The following MTUS2 variants were observed in gnomAD, a reference collection of about 807,000 sequenced individuals.
MTUS2 encodes the protein microtubule-associated tumor suppressor candidate 2.
Under a neutral mutation model 114.1 loss-of-function variants are expected in MTUS2, and 40 were observed. The observed-to-expected ratio is 0.35, with a 90% CI of 0.27 to 0.46. The LOEUF is 0.46. Among genes scored for constraint, MTUS2 ranks in the 20% least tolerant of loss-of-function variants. The pLI, the probability that MTUS2 is intolerant of heterozygous loss-of-function variation, is 1.00. For missense variants in MTUS2, 1,679 were observed against 1,705.4 expected, an observed-to-expected ratio of 0.98 and a Z score of 0.27; for synonymous variants, 688 against 672.0, an observed-to-expected ratio of 1.02 and a Z score of -0.37.
At chr13:28,958,218 C>T (rs1182753970) in intron 2 of MTUS2, among the ~76,000 whole-genome samples, 2 of 152,248 alleles carry the variant, frequency 1.3e-5, no homozygotes, top group Non-Finnish European at 2.9e-5. Context: ...TCTGTGATCT[C>T]CGGCTGCCCC....
At chr13:28,862,110 A>C (rs1411541446) in intron 2 of MTUS2, among the ~76,000 whole-genome samples, 1 of 152,208 alleles carries the variant, frequency 6.6e-6, no homozygotes, top group African/African-American at 2.4e-5. Context: ...TTGGCCTCAC[A>C]CATGAATAGA....
At chr13:28,953,047 C>T (rs1437629804) in intron 2 of MTUS2, among the ~76,000 whole-genome samples, 2 of 152,128 alleles carry the variant, frequency 1.3e-5, no homozygotes, top group African/African-American at 4.8e-5. Context: ...TTCTTGACAT[C>T]TCTGTTAGCA....
At chr13:29,058,807 T>C (rs1888270969) in intron 4 of MTUS2, among the ~76,000 whole-genome samples, 2 of 150,452 alleles carry the variant, frequency 1.3e-5, no homozygotes, top group East Asian at 2.0e-4. Context: ...AGTGAGAACA[T>C]GCGGTGTTTG....
chr13:28,834,660 G>A (rs1411199130), intron 1 of MTUS2, among the ~76,000 whole-genome samples: 5 of 152,118 alleles, frequency 3.3e-5, no homozygotes, highest in Admixed American at 2.0e-4. Context: ...CAGGAGTGAC[G>A]AATATATAGG....
chr13:29,032,048 G>A (rs1886854269), intron 3 of MTUS2, among the ~76,000 whole-genome samples: 1 of 152,044 alleles, frequency 6.6e-6, no homozygotes, highest in South Asian at 2.1e-4. Context: ...GCAACGTTTG[G>A]GGTTTCCAAA....
At chr13:29,413,617 AAAC>A (rs1313540095) in intron 8 of MTUS2, among the ~76,000 whole-genome samples, 8 of 48,686 alleles carry the variant, frequency 1.6e-4, no homozygotes, top group African/African-American at 6.3e-4. Flanking sequence ...AGAAAAAAAC[AAAC>A]AACCCCATCA....
chr13:29,131,191 C>T (rs1360779833), intron 5 of MTUS2, among the ~76,000 whole-genome samples: 3 of 152,190 alleles, frequency 2.0e-5, no homozygotes, highest in Non-Finnish European at 4.4e-5. Flanking sequence ...GTCCTCTTAC[C>T]TTCTTATGAC....
In MTUS2 at chr13:29,024,503, A is replaced by C; in HGVS notation, c.-196A>C. 6.5e-6 allele frequency: 4 copies of C among 620,112 alleles called. No homozygotes were observed. The highest frequency in any genetic ancestry group is 8.3e-6 in the Non-Finnish European group (3 of 362,248). The allele number at this position is 620,112 out of a possible 1,614,324, so 38.4% of individuals were successfully genotyped here. On this transcript the variant is annotated 5_prime_UTR_variant, in exon 3 of 16. Coordinates refer to ENST00000612955, the MANE Select transcript of MTUS2 (RefSeq NM_001033602.4). Reference sequence around the variant, plus strand: ...TCATTCAGCAGGAACCTAACAGATAAGTCTTCCTGCTGTATATCAAGACAA... The same window carrying C: ...TCATTCAGCAGGAACCTAACAGATACGTCTTCCTGCTGTATATCAAGACAA...
chr13:28,865,429 T>C (rs1380452718), intron 2 of MTUS2, among the ~76,000 whole-genome samples: 2 of 152,194 alleles, frequency 1.3e-5, no homozygotes, highest in African/African-American at 4.8e-5. Flanking sequence ...ATTAAAGTGA[T>C]AAAACACCCA....
intron 2 of MTUS2, among the ~76,000 whole-genome samples, chr13:28,909,424 T>C (rs1880260277): frequency 6.6e-6 from 1 of 152,140 alleles, no homozygotes; most frequent in African/African-American, 2.4e-5. Context: ...TAAGTTGGAT[T>C]CGTAGGTATT....
At chr13:29,327,265 T>C (rs1464312340) in intron 7 of MTUS2, among the ~76,000 whole-genome samples, 1 of 152,196 alleles carries the variant, frequency 6.6e-6, no homozygotes, top group Non-Finnish European at 1.5e-5. Context: ...AACTACCCTA[T>C]GCTTAAAGTA....
chr13:29,133,635 C>A (rs1290791748), intron 5 of MTUS2, among the ~76,000 whole-genome samples: 1 of 152,174 alleles, frequency 6.6e-6, no homozygotes, highest in Admixed American at 6.5e-5. Context: ...ATAGTCATGG[C>A]ACCTTGTTAA....
intron 9 of MTUS2, among the ~76,000 whole-genome samples, chr13:29,451,990 C>G (rs988106288): frequency 6.6e-6 from 1 of 152,150 alleles, no homozygotes; most frequent in African/African-American, 2.4e-5. Flanking sequence ...AATTACCTGC[C>G]CCTCTTATAG....
At chr13:28,966,563 A>C (rs1314907866) in intron 2 of MTUS2, among the ~76,000 whole-genome samples, 1 of 151,934 alleles carries the variant, frequency 6.6e-6, no homozygotes, top group African/African-American at 2.4e-5. Context: ...TTCTACAAAA[A>C]ATTAAAAAGC....
At chr13:29,150,805 C>A (rs1032791026) in intron 5 of MTUS2, among the ~76,000 whole-genome samples, 1 of 152,138 alleles carries the variant, frequency 6.6e-6, no homozygotes, top group Non-Finnish European at 1.5e-5. Context: ...GTCCTTTCCC[C>A]ATGGCTTATT....
At chr13:28,877,709 G>C (rs1465072690) in intron 2 of MTUS2, among the ~76,000 whole-genome samples, 1 of 152,142 alleles carries the variant, frequency 6.6e-6, no homozygotes, top group Non-Finnish European at 1.5e-5. Flanking sequence ...ATACTCAGAA[G>C]CTTTCATGCT....
At chr13:29,230,399 C>T (rs944817538) in intron 5 of MTUS2, among the ~76,000 whole-genome samples, 2 of 152,240 alleles carry the variant, frequency 1.3e-5, no homozygotes, top group Non-Finnish European at 2.9e-5. Flanking sequence ...TTCTTCTCTA[C>T]TTCGGTATTC....
chr13:29,153,816 CA>C (rs1892755046), intron 5 of MTUS2, among the ~76,000 whole-genome samples: 1 of 152,196 alleles, frequency 6.6e-6, no homozygotes, highest in African/African-American at 2.4e-5. Context: ...GCTGAAAAAG[CA>C]TCAGGTGACA....
At chr13:29,287,170 C>G (rs1027264448) in intron 6 of MTUS2, among the ~76,000 whole-genome samples, 1 of 152,182 alleles carries the variant, frequency 6.6e-6, no homozygotes, top group Admixed American at 6.5e-5. Flanking sequence ...TGTATATGTT[C>G]CCAGTCCTTT....
Sources: gnomAD v4.1 joint callset for allele counts (sites outside exome capture counted in the v4.1 genomes callset) on GRCh38, gnomAD v4.1.1 for gene constraint, MANE v1.5 for transcripts, NCBI Gene and HGNC (gene_info 2026-07-23, HGNC 2026-07-21) for gene names.